CNKSR2: variants seen among roughly 807,000 people sequenced by gnomAD.
CNKSR2 encodes connector enhancer of kinase suppressor of Ras 2, also known as CNK homolog protein 2.
In CNKSR2, 14 loss-of-function variants were observed where a neutral mutation model predicts 84.4. The ratio of observed to expected loss-of-function variants is 0.17; its 90% CI spans 0.11 to 0.26. The LOEUF (loss-of-function observed/expected upper bound fraction) is 0.26, where lower values mean the gene tolerates loss of function less well. Among genes scored for constraint, CNKSR2 ranks in the 10% least tolerant of loss-of-function variants. The pLI is 1.00. For missense variants in CNKSR2, 485 were observed against 771.2 expected, an observed-to-expected ratio of 0.63 and a Z score of 4.40; for synonymous variants, 275 against 277.9, an observed-to-expected ratio of 0.99 and a Z score of 0.10.
At chrX:21,537,283 G>A (rs939532436) in intron 11 of CNKSR2, among the ~76,000 whole-genome samples, 3 of 111,221 alleles carry the variant, frequency 2.7e-5, no homozygotes, top group South Asian at 3.7e-4. Context: ...GTGGCCTAAC[G>A]TATGGTCTAT....
intron 21 of CNKSR2, among the ~76,000 whole-genome samples, chrX:21,649,980 G>C (rs1185619569): frequency 8.9e-6 from 1 of 111,808 alleles, no homozygotes; most frequent in African/African-American, 3.3e-5. Flanking sequence ...GCTGGTGGGA[G>C]TGTAAATTAG....
chrX:21,477,363 A>G (rs1310806148), intron 5 of CNKSR2, among the ~76,000 whole-genome samples: 2 of 111,561 alleles, frequency 1.8e-5, no homozygotes, highest in African/African-American at 6.5e-5. Context: ...ATAGTACTTT[A>G]CAGTTTACAG....
intron 5 of CNKSR2, among the ~76,000 whole-genome samples, chrX:21,484,057 C>A (rs1435548710): frequency 3.6e-5 from 4 of 111,673 alleles, no homozygotes; most frequent in African/African-American, 1.3e-4. Context: ...TTTGGGAGGC[C>A]GAGGCAGGCA....
At chrX:21,628,380 C>A (rs931139636) in intron 20 of CNKSR2, among the ~76,000 whole-genome samples, 1 of 111,639 alleles carries the variant, frequency 9.0e-6, no homozygotes, top group Non-Finnish European at 1.9e-5. Flanking sequence ...CATCTCACAG[C>A]TCCACTAGGT....
chrX:21,551,504 C>G (rs980148953), intron 11 of CNKSR2, among the ~76,000 whole-genome samples: 8 of 112,058 alleles, frequency 7.1e-5, no homozygotes, highest in African/African-American at 2.6e-4. Flanking sequence ...ATGAATTAAT[C>G]GAAAAGATAT....
rs758472523 is a variant in CNKSR2, at chrX:21,609,058, C to T, written c.2146-13C>T. 3 of 1,183,562 alleles carry T rather than the reference C, an allele frequency of 2.5e-6. No individual in the cohort carries two copies. The highest frequency in any genetic ancestry group is 1.9e-5 in the South Asian group (1 of 52,351). ...TATTTTGGCACAGACTAATCAGGGG[C>T]TCCTTTCTACAGATGAGTTGCGCCA... On this transcript the variant is annotated splice_polypyrimidine_tract_variant and intron_variant, in intron 19 of 21. Coordinates refer to ENST00000379510, the MANE Select transcript of CNKSR2 (RefSeq NM_014927.5).
At chrX:21,598,026 TACAC>T (rs767891432) in intron 17 of CNKSR2, among the ~76,000 whole-genome samples, 8 of 103,726 alleles carry the variant, frequency 7.7e-5, no homozygotes, top group Admixed American at 2.1e-4. Flanking sequence ...TATATATATA[TACAC>T]ACACACACAC....
At chrX:21,528,096 T>C (rs1222598615) in intron 10 of CNKSR2, among the ~76,000 whole-genome samples, 1 of 111,210 alleles carries the variant, frequency 9.0e-6, no homozygotes, top group East Asian at 2.8e-4. Flanking sequence ...ACATAACTTA[T>C]AAGATATAGT....
intron 8 of CNKSR2, chrX:21,504,563 T>G (rs1426839339): frequency 1.7e-5 from 4 of 229,950 alleles, no homozygotes; most frequent in Middle Eastern, 2.5e-3. Flanking sequence ...TTACTTAAGA[T>G]AAATACAAAA....
At chrX:21,412,954 T>C (rs2090366004) in intron 1 of CNKSR2, among the ~76,000 whole-genome samples, 1 of 112,098 alleles carries the variant, frequency 8.9e-6, no homozygotes, top group African/African-American at 3.2e-5. Flanking sequence ...TACAGTTCAC[T>C]GGCATTAAGT....
chrX:21,531,103 TAG>T (rs1420247337), intron 10 of CNKSR2, among the ~76,000 whole-genome samples: 2 of 111,177 alleles, frequency 1.8e-5, no homozygotes, highest in Admixed American at 9.5e-5. Flanking sequence ...ATGAGATACG[TAG>T]AGTTTGAATA....
chrX:21,424,583 A>G (rs1259292804), intron 1 of CNKSR2: 1 of 111,724 alleles, frequency 9.0e-6, no homozygotes, highest in Admixed American at 9.5e-5. Context: ...CATGTCCCTT[A>G]TATAAAATAG....
At chrX:21,597,839 AT>A (rs1430567261) in intron 17 of CNKSR2, among the ~76,000 whole-genome samples, 1 of 109,626 alleles carries the variant, frequency 9.1e-6, no homozygotes, top group African/African-American at 3.3e-5. Context: ...TTATTTCATA[AT>A]TTTTTAATAT....
chrX:21,436,884 C>T (rs1216626818), intron 3 of CNKSR2, among the ~76,000 whole-genome samples: 1 of 111,447 alleles, frequency 9.0e-6, no homozygotes, highest in African/African-American at 3.3e-5. Flanking sequence ...TATGTAGATA[C>T]AGCCCAAATC....
chrX:21,520,011 A>G (rs2091766862), intron 9 of CNKSR2, among the ~76,000 whole-genome samples: 1 of 111,789 alleles, frequency 8.9e-6, no homozygotes, highest in East Asian at 2.8e-4. Flanking sequence ...TAAAAATACT[A>G]AAAGCATAGT....
intron 13 of CNKSR2, among the ~76,000 whole-genome samples, chrX:21,581,558 G>T (rs910232583): frequency 8.9e-6 from 1 of 111,865 alleles, no homozygotes; most frequent in East Asian, 2.8e-4. Context: ...TCAAGTGAGA[G>T]ATGAGAGTGA....
intron 1 of CNKSR2, among the ~76,000 whole-genome samples, chrX:21,411,291 C>T (rs191010165): frequency 6.8e-4 from 75 of 110,757 alleles, no homozygotes; most frequent in Non-Finnish European, 1.3e-3. Flanking sequence ...TCCTTAACTT[C>T]CCTTACTAAG....
chrX:21,505,907 G>A (rs189999217), intron 8 of CNKSR2: 7 of 110,336 alleles, frequency 6.3e-5, no homozygotes, highest in African/African-American at 2.3e-4. Context: ...TATTTTTTTG[G>A]TTTTTTTCTA....
At chrX:21,526,818 T>C in intron 9 of CNKSR2, 49 bp from the exon 10 acceptor site, 1 of 1,011,701 alleles carries the variant, frequency 9.9e-7, no homozygotes, top group Non-Finnish European at 1.4e-6. Flanking sequence ...TTGTTGTTGT[T>C]TTGTGTGTTG....
Sources: allele counts gnomAD v4.1 joint callset (sites outside exome capture counted in the v4.1 genomes callset), GRCh38; gene constraint gnomAD v4.1.1; transcripts MANE v1.5; gene names NCBI Gene and HGNC (gene_info 2026-07-23, HGNC 2026-07-21).